Variants in DYNC1I1 observed in about 807,000 individuals in gnomAD.
The protein encoded by DYNC1I1 is cytoplasmic dynein 1 intermediate chain 1.
Under a neutral mutation model 86.6 loss-of-function variants are expected in DYNC1I1, and 43 were observed. The ratio of observed to expected loss-of-function variants is 0.50; its 90% CI spans 0.39 to 0.64. DYNC1I1 has a LOEUF of 0.64. Among genes scored for constraint, DYNC1I1 ranks in the 30% least tolerant of loss-of-function variants. DYNC1I1 has a pLI of 0.00. For missense variants in DYNC1I1, 604 were observed against 788.8 expected (o/e 0.77, Z 2.81); for synonymous variants, 262 against 283.7 (o/e 0.92, Z 0.77).
intron 14 of DYNC1I1, among the ~76,000 whole-genome samples, chr7:96,069,405 T>G (rs1790097058): frequency 6.6e-6 from 1 of 152,142 alleles, no homozygotes; most frequent in Admixed American, 6.5e-5. Flanking sequence ...TGAACCTGGT[T>G]TTGGAGACAT....
chr7:95,810,789 T>C (rs1440398997), intron 3 of DYNC1I1, among the ~76,000 whole-genome samples: 1 of 152,116 alleles, frequency 6.6e-6, no homozygotes, highest in East Asian at 1.9e-4. Flanking sequence ...ACTTGTTAAA[T>C]GAGTTGCCAC....
intron 6 of DYNC1I1, among the ~76,000 whole-genome samples, chr7:95,874,645 AAGAG>A (rs57425892): frequency 0.22 from 33,157 of 149,838 alleles, 4,348 homozygotes; most frequent in African/African-American, 0.37. Flanking sequence ...TTAGAAAAAG[AAGAG>A]AGAGAGAGAG....
At chr7:95,828,767 G>A (rs1795257636) in intron 5 of DYNC1I1, among the ~76,000 whole-genome samples, 1 of 152,008 alleles carries the variant, frequency 6.6e-6, no homozygotes, top group East Asian at 1.9e-4. Flanking sequence ...ACTTGGAGTG[G>A]AATAAAACAC....
chr7:96,026,734 C>A (rs190862405), intron 10 of DYNC1I1, among the ~76,000 whole-genome samples: 106 of 152,250 alleles, frequency 7.0e-4, no homozygotes, highest in Admixed American at 6.9e-3. Flanking sequence ...TGCTTCTCTC[C>A]ACTGTTTGAA....
intron 14 of DYNC1I1, among the ~76,000 whole-genome samples, chr7:96,048,298 A>T (rs1380946934): frequency 1.3e-5 from 2 of 152,226 alleles, no homozygotes; most frequent in Non-Finnish European, 2.9e-5. Flanking sequence ...TCTTACAGGA[A>T]TCTCCTGAAT....
chr7:95,950,261 C>T (rs1035783486), intron 6 of DYNC1I1, among the ~76,000 whole-genome samples: 4 of 152,130 alleles, frequency 2.6e-5, no homozygotes, highest in African/African-American at 9.7e-5. Flanking sequence ...ACTTGCCAGC[C>T]TTTGAATATG....
At chr7:95,959,274 A>G (rs1792800802) in intron 6 of DYNC1I1, among the ~76,000 whole-genome samples, 1 of 152,182 alleles carries the variant, frequency 6.6e-6, no homozygotes, top group Admixed American at 6.6e-5. Context: ...ATGCAATGGC[A>G]GAATTTTAGC....
intron 6 of DYNC1I1, among the ~76,000 whole-genome samples, chr7:95,932,968 A>G (rs1274026460): frequency 6.6e-6 from 1 of 151,240 alleles, no homozygotes; most frequent in East Asian, 2.0e-4. Flanking sequence ...TCAGCCTTGA[A>G]TTCCTGGGCT....
intron 13 of DYNC1I1, among the ~76,000 whole-genome samples, chr7:96,038,238 G>T (rs1280036356): frequency 1.3e-5 from 2 of 152,150 alleles, no homozygotes; most frequent in Non-Finnish European, 2.9e-5. Context: ...AGGCCCAAAT[G>T]TTTTAATAAC....
intron 8 of DYNC1I1, among the ~76,000 whole-genome samples, chr7:95,986,264 T>A (rs1372714390): frequency 1.3e-5 from 2 of 152,052 alleles, no homozygotes; most frequent in Admixed American, 6.6e-5. Flanking sequence ...GTAGAAGAAT[T>A]TCTGAACCAA....
intron 12 of DYNC1I1, among the ~76,000 whole-genome samples, chr7:96,034,887 C>T (rs1032705829): frequency 1.1e-4 from 16 of 152,102 alleles, no homozygotes; most frequent in African/African-American, 3.9e-4. Flanking sequence ...ACAAAATAGG[C>T]TATTTGATGT....
intron 1 of DYNC1I1, among the ~76,000 whole-genome samples, chr7:95,786,331 T>C (rs1355339445): frequency 6.6e-6 from 1 of 152,212 alleles, no homozygotes; most frequent in Non-Finnish European, 1.5e-5. Flanking sequence ...TACTCGCATG[T>C]CAATGTCTGG....
At chr7:95,938,564 A>G (rs1259446945) in intron 6 of DYNC1I1, among the ~76,000 whole-genome samples, 2 of 152,156 alleles carry the variant, frequency 1.3e-5, no homozygotes, top group Non-Finnish European at 2.9e-5. Flanking sequence ...TCCAGCTTCA[A>G]ATAATGGCTC....
intron 6 of DYNC1I1, among the ~76,000 whole-genome samples, chr7:95,944,591 A>C (rs1446696070): frequency 2.0e-5 from 3 of 152,178 alleles, no homozygotes; most frequent in Non-Finnish European, 4.4e-5. Context: ...TTATTGCGGC[A>C]CTATTCAGAA....
intron 6 of DYNC1I1, among the ~76,000 whole-genome samples, chr7:95,929,552 C>T (rs749677739): frequency 6.6e-6 from 1 of 152,024 alleles, no homozygotes; most frequent in Non-Finnish European, 1.5e-5. Context: ...TTTTTGAAAG[C>T]GTAAAAGCAT....
chr7:96,057,814 A>C (rs1277135098), intron 14 of DYNC1I1, among the ~76,000 whole-genome samples: 5 of 152,196 alleles, frequency 3.3e-5, no homozygotes, highest in Non-Finnish European at 1.5e-5. Flanking sequence ...ATTACATATC[A>C]ATTAAATTAA....
intron 7 of DYNC1I1, 66 bp downstream of exon 7, chr7:95,977,667 A>G (rs946144145): frequency 6.8e-7 from 1 of 1,468,702 alleles, no homozygotes; most frequent in Non-Finnish European, 9.3e-7. Context: ...TTACTAATAT[A>G]AGAGACTATA....
At chr7:96,102,332 A>T (rs1040892828), downstream of DYNC1I1, among the ~76,000 whole-genome samples, 1 of 152,196 alleles carries the variant, frequency 6.6e-6, no homozygotes, top group Non-Finnish European at 1.5e-5. Flanking sequence ...TATGCAGAAT[A>T]AGCAAGAATT....
chr7:95,796,707 A>C (rs1342596657), intron 1 of DYNC1I1, among the ~76,000 whole-genome samples: 1 of 151,834 alleles, frequency 6.6e-6, no homozygotes, highest in Non-Finnish European at 1.5e-5. Flanking sequence ...CACTTAGCAA[A>C]ATTTTGTCAA....
Sources: allele counts gnomAD v4.1 joint callset (sites outside exome capture counted in the v4.1 genomes callset), GRCh38; gene constraint gnomAD v4.1.1; transcripts MANE v1.5; gene names NCBI Gene and HGNC (gene_info 2026-07-23, HGNC 2026-07-21).